Variants in RORA observed in about 807,000 individuals in gnomAD.
RORA encodes the protein RAR related orphan receptor A.
In RORA, 7 loss-of-function variants were observed where a neutral mutation model predicts 69.5. The ratio of observed to expected loss-of-function variants is 0.10; its 90% CI spans 0.06 to 0.19. The LOEUF is 0.19. Ranked by LOEUF, RORA falls within the 10% of genes least tolerant of loss-of-function variation. The pLI, the probability that RORA is intolerant of heterozygous loss-of-function variation, is 1.00. For missense variants in RORA, 457 were observed against 663.0 expected (o/e 0.69, Z 3.41); for synonymous variants, 261 against 240.8 (o/e 1.08, Z -0.78).
intron 1 of RORA, among the ~76,000 whole-genome samples, chr15:60,805,115 C>T (rs746398783): frequency 7.9e-5 from 12 of 152,210 alleles, no homozygotes. Context: ...ACTTCCCCAA[C>T]CTGCAGCTGG....
At position 61,223,679 on chromosome 15, in the gene RORA, G is replaced by A. The variant is rs1186884809; in HGVS notation, c.166+5374C>T. On this transcript the variant is annotated intron_variant, in intron 1 of 10. Transcript: ENST00000335670. ...ATAAGATTCTCAAACCTCAAAGAAAGATTCAATTACATTCTCAGTGTTCTT... is the reference window on the plus strand; with the variant it reads ...ATAAGATTCTCAAACCTCAAAGAAAAATTCAATTACATTCTCAGTGTTCTT... Among the ~76,000 whole-genome samples the A allele has an allele frequency of 3.9e-5, 6 of 152,196 alleles. No individual in the cohort carries two copies. In the East Asian group the frequency reaches 9.6e-4, roughly 24 times the overall value.
intron 1 of RORA, among the ~76,000 whole-genome samples, chr15:61,076,953 CT>C (rs5813069): frequency 6.6e-6 from 1 of 151,982 alleles, no homozygotes; most frequent in African/African-American, 2.4e-5. Flanking sequence ...AAAAAAAGCC[CT>C]TAATTGCTTC....
chr15:61,112,098 C>T (rs1415444457), intron 1 of RORA, among the ~76,000 whole-genome samples: 3 of 152,126 alleles, frequency 2.0e-5, no homozygotes, highest in Non-Finnish European at 4.4e-5. Context: ...TGCTGCCGGT[C>T]CTCAAATTGG....
At chr15:61,194,905 T>C (rs1170404616) in intron 1 of RORA, among the ~76,000 whole-genome samples, 1 of 152,068 alleles carries the variant, frequency 6.6e-6, no homozygotes, top group South Asian at 2.1e-4. Flanking sequence ...TGCAGTACCA[T>C]TCTCATTGAA....
At chr15:60,600,534 G>A (rs1289594499) in intron 2 of RORA, among the ~76,000 whole-genome samples, 2 of 152,156 alleles carry the variant, frequency 1.3e-5, no homozygotes, top group Non-Finnish European at 2.9e-5. Context: ...TATTATTTAT[G>A]TCCAGTCCTA....
chr15:61,010,800 T>C (rs577017406), intron 1 of RORA, among the ~76,000 whole-genome samples: 123 of 152,308 alleles, frequency 8.1e-4, no homozygotes, highest in African/African-American at 2.9e-3. Flanking sequence ...CTTTAGAACC[T>C]GGAGATGAGG....
chr15:60,718,135 T>G (rs1010390724), intron 1 of RORA, among the ~76,000 whole-genome samples: 1 of 152,218 alleles, frequency 6.6e-6, no homozygotes, highest in African/African-American at 2.4e-5. Context: ...ACAGCAAAGT[T>G]ATGTCACTAT....
chr15:61,108,968 G>A (rs946749428), intron 1 of RORA, among the ~76,000 whole-genome samples: 1 of 152,142 alleles, frequency 6.6e-6, no homozygotes, highest in African/African-American at 2.4e-5. Context: ...GGAGGCCAAG[G>A]CAGGCAGATC....
chr15:60,561,084 T>G (rs1208103972), intron 2 of RORA, among the ~76,000 whole-genome samples: 8 of 144,028 alleles, frequency 5.6e-5, no homozygotes, highest in African/African-American at 1.1e-4. Context: ...TTGTTTTTGT[T>G]TTTTTTTTTG....
intron 1 of RORA, among the ~76,000 whole-genome samples, chr15:60,695,938 A>G (rs906737773): frequency 6.6e-6 from 1 of 152,014 alleles, no homozygotes; most frequent in Admixed American, 6.6e-5. Flanking sequence ...AATGGCACAA[A>G]GCACTGTTCC....
intron 1 of RORA, among the ~76,000 whole-genome samples, chr15:61,103,750 T>C (rs925783780): frequency 6.6e-6 from 1 of 152,192 alleles, no homozygotes; most frequent in Non-Finnish European, 1.5e-5. Flanking sequence ...AAGACCTTTA[T>C]GTGTGGGCAA....
chr15:61,061,826 G>A lies in RORA; in HGVS notation c.166+167227C>T, dbSNP rs1038222419. On this transcript the variant is annotated intron_variant, in intron 1 of 10. Coordinates refer to ENST00000335670, the MANE Select transcript of RORA (RefSeq NM_134261.3). The surrounding 1 kb of genome is among the most constrained non-coding windows in gnomAD (Gnocchi z 4.4). The stretch of plus-strand genomic sequence containing the variant: ...GCCTGTAACCCCAGCACTTTGGGAG[G>A]CCAAGGCAGGTGGATCACTTGAGGT... Among the ~76,000 whole-genome samples, 4 of 152,158 alleles carry A rather than the reference G, an allele frequency of 2.6e-5. No individual in the cohort carries two copies. The highest frequency in any genetic ancestry group is 5.9e-5 in the Non-Finnish European group (4 of 68,032).
chr15:60,745,379 T>C (rs1181659045), intron 1 of RORA, among the ~76,000 whole-genome samples: 2 of 152,208 alleles, frequency 1.3e-5, no homozygotes, highest in Non-Finnish European at 2.9e-5. Flanking sequence ...CAGACACATG[T>C]CCGGGTAGCT....
chr15:60,679,688 C>A (rs2070612368), intron 1 of RORA, among the ~76,000 whole-genome samples: 1 of 152,132 alleles, frequency 6.6e-6, no homozygotes, highest in South Asian at 2.1e-4. Context: ...GCAGCCACAT[C>A]AGACCTATTA....
chr15:61,083,343 G>C (rs762577951), intron 1 of RORA, among the ~76,000 whole-genome samples: 1 of 152,122 alleles, frequency 6.6e-6, no homozygotes, highest in Non-Finnish European at 1.5e-5. Flanking sequence ...GCCTAGTTCC[G>C]GTAGGGATCA....
chr15:61,164,236 G>A (rs916343028), intron 1 of RORA, among the ~76,000 whole-genome samples: 6 of 152,082 alleles, frequency 3.9e-5, no homozygotes, highest in African/African-American at 1.2e-4. Context: ...CAGCACTTTA[G>A]AGATATTTTC....
At chr15:61,203,353 G>A (rs2140928783) in intron 1 of RORA, among the ~76,000 whole-genome samples, 1 of 152,280 alleles carries the variant, frequency 6.6e-6, no homozygotes, top group South Asian at 2.1e-4. Flanking sequence ...GGCTTTCAGG[G>A]GAGCTAGAAA....
chr15:60,828,999 C>G (rs748015012), intron 1 of RORA, among the ~76,000 whole-genome samples: 8 of 152,208 alleles, frequency 5.3e-5, no homozygotes, highest in African/African-American at 1.9e-4. Flanking sequence ...TCCCTCTCCC[C>G]CTAAAACTTT....
chr15:61,149,028 T>G (rs2079375170), intron 1 of RORA, among the ~76,000 whole-genome samples: 1 of 152,188 alleles, frequency 6.6e-6, no homozygotes, highest in African/African-American at 2.4e-5. Context: ...TGATGATGCC[T>G]TCTACAAATG....
Sources: allele counts gnomAD v4.1 joint callset (sites outside exome capture counted in the v4.1 genomes callset), GRCh38; gene constraint gnomAD v4.1.1; non-coding constraint Gnocchi (gnomAD v3.1); transcripts MANE v1.5; gene names NCBI Gene and HGNC (gene_info 2026-07-23, HGNC 2026-07-21).